The following MDGA2 variants were observed in gnomAD, a reference collection of about 807,000 sequenced individuals.
The protein encoded by MDGA2 is MAM domain containing glycosylphosphatidylinositol anchor 2.
MDGA2 carries 40 observed loss-of-function variants against 117.8 expected under a neutral mutation model. That is an observed-to-expected ratio of 0.34 (90% CI 0.26 to 0.44). The LOEUF (loss-of-function observed/expected upper bound fraction) is 0.44, where lower values mean the gene tolerates loss of function less well. Among genes scored for constraint, MDGA2 ranks in the 20% least tolerant of loss-of-function variants. MDGA2 has a pLI of 1.00. For synonymous variants in MDGA2, 452 were observed against 439.0 expected (o/e 1.03, Z -0.37); for missense variants, 1,123 against 1,250.6 (o/e 0.90, Z 1.54).
chr14:47,665,290 C>A (rs1897923187), intron 1 of MDGA2, among the ~76,000 whole-genome samples: 1 of 152,148 alleles, frequency 6.6e-6, no homozygotes, highest in Non-Finnish European at 1.5e-5. Flanking sequence ...TTTCTCATAG[C>A]CTTATTTTAT....
chr14:47,021,257 G>A (rs1566578294), intron 8 of MDGA2, among the ~76,000 whole-genome samples: 1 of 152,114 alleles, frequency 6.6e-6, no homozygotes, highest in African/African-American at 2.4e-5. Context: ...TTAGATGCAT[G>A]ATATATGGAT....
intron 7 of MDGA2, among the ~76,000 whole-genome samples, chr14:47,053,416 C>T (rs1442364097): frequency 6.6e-6 from 1 of 151,564 alleles, no homozygotes; most frequent in Non-Finnish European, 1.5e-5. Context: ...TAATCTCAAA[C>T]CATTTTGTTC....
At chr14:47,402,508 A>G (rs1210193604) in intron 1 of MDGA2, among the ~76,000 whole-genome samples, 2 of 152,194 alleles carry the variant, frequency 1.3e-5, no homozygotes, top group Non-Finnish European at 2.9e-5. Flanking sequence ...ATGAAATGCT[A>G]TAAATGATAC....
intron 1 of MDGA2, among the ~76,000 whole-genome samples, chr14:47,447,171 T>G (rs10141117): frequency 0.39 from 58,674 of 151,930 alleles, 11,430 homozygotes; most frequent in South Asian, 0.56. Flanking sequence ...TAAAACTGTT[T>G]AGTCCAGGGA....
intron 1 of MDGA2, among the ~76,000 whole-genome samples, chr14:47,475,755 A>T (rs1893823149): frequency 6.6e-6 from 1 of 152,206 alleles, no homozygotes; most frequent in Admixed American, 6.5e-5. Flanking sequence ...GTTCTCACTT[A>T]TAAGGGGGAG....
Position 47,583,174 on chromosome 14 carries a change from C to A in MDGA2, c.280+91343G>T, listed in dbSNP as rs146233390. 5.3e-5 allele frequency among the ~76,000 whole-genome samples: 8 copies of A among 151,866 alleles called. No individual in the cohort carries two copies. The East Asian group carries it at 1.2e-3, about 22-fold the overall frequency. Reference sequence around the variant, plus strand: ...CTCACAGAGCTTGAGGTGAAACAGACAATGTGCAAGTAAATAAATGAGCAA... The same window carrying A: ...CTCACAGAGCTTGAGGTGAAACAGAAAATGTGCAAGTAAATAAATGAGCAA... On this transcript the variant is annotated intron_variant, in intron 1 of 16. Coordinates refer to ENST00000399232, the MANE Select transcript of MDGA2 (RefSeq NM_001113498.3).
At chr14:47,257,031 A>G (rs1453403959) in intron 2 of MDGA2, among the ~76,000 whole-genome samples, 1 of 152,150 alleles carries the variant, frequency 6.6e-6, no homozygotes, top group Non-Finnish European at 1.5e-5. Context: ...AAGGATATAT[A>G]CAGGAACAGT....
chr14:47,109,986 C>T (rs1283419706), intron 5 of MDGA2, among the ~76,000 whole-genome samples: 1 of 152,104 alleles, frequency 6.6e-6, no homozygotes, highest in Non-Finnish European at 1.5e-5. Flanking sequence ...AAAAAACCTA[C>T]AAACACTGTG....
chr14:47,172,899 GA>G (rs929089080), intron 3 of MDGA2, among the ~76,000 whole-genome samples: 2 of 152,000 alleles, frequency 1.3e-5, no homozygotes, highest in South Asian at 2.1e-4. Flanking sequence ...TAAAAACTTC[GA>G]AAAAAATTTA....
chr14:46,944,868 T>A (rs1218897375), intron 9 of MDGA2, among the ~76,000 whole-genome samples: 3 of 152,080 alleles, frequency 2.0e-5, no homozygotes, highest in Non-Finnish European at 4.4e-5. Context: ...TATTTGAACA[T>A]ATTTTCCCAT....
chr14:47,044,096 T>A (rs1889172462), intron 7 of MDGA2, among the ~76,000 whole-genome samples: 1 of 151,922 alleles, frequency 6.6e-6, no homozygotes, highest in South Asian at 2.1e-4. Flanking sequence ...AGGTGCTTAA[T>A]AAGTTCTTGA....
chr14:47,036,879 CTT>C (rs1888874409), intron 7 of MDGA2, among the ~76,000 whole-genome samples: 1 of 152,158 alleles, frequency 6.6e-6, no homozygotes, highest in Non-Finnish European at 1.5e-5. Flanking sequence ...AATTCCTTCA[CTT>C]ATTGTTTAAA....
At chr14:46,995,426 C>T (rs1887252517) in intron 8 of MDGA2, among the ~76,000 whole-genome samples, 1 of 152,076 alleles carries the variant, frequency 6.6e-6, no homozygotes. Context: ...TAGCACACTG[C>T]TTTGTGTTAA....
chr14:46,846,038 A>G (rs1292848757), intron 15 of MDGA2, among the ~76,000 whole-genome samples, 167 bp from the exon 16 acceptor site: 1 of 152,132 alleles, frequency 6.6e-6, no homozygotes, highest in Non-Finnish European at 1.5e-5. Context: ...TTCATCCCAA[A>G]ACCAGTAATT....
chr14:47,094,984 T>C lies in MDGA2; in HGVS notation c.1195+1870A>G, dbSNP rs537349267. ...TACTTCCATTGTGAATTCTTTGTTTTCTATATATTTCCATATACGATTACT... is the reference window on the plus strand; with the variant it reads ...TACTTCCATTGTGAATTCTTTGTTTCCTATATATTTCCATATACGATTACT... On this transcript the variant is annotated intron_variant, in intron 6 of 16. Transcript: ENST00000399232. Among the ~76,000 whole-genome samples the C allele has an allele frequency of 1.6e-4, 25 of 152,198 alleles. 1 individual carries two copies. Among genetic ancestry groups the C allele is most frequent in the African/African-American group, 5.3e-4 (22 of 41,562 alleles).
At chr14:47,664,160 C>T (rs1219371630) in intron 1 of MDGA2, among the ~76,000 whole-genome samples, 1 of 152,182 alleles carries the variant, frequency 6.6e-6, no homozygotes, top group African/African-American at 2.4e-5. Flanking sequence ...ATATAAACTA[C>T]ACGTGCATCG....
intron 10 of MDGA2, among the ~76,000 whole-genome samples, chr14:46,901,868 A>C (rs1243393539): frequency 6.6e-6 from 1 of 152,200 alleles, no homozygotes; most frequent in Non-Finnish European, 1.5e-5. Flanking sequence ...GTCTGAAAGT[A>C]AACTCAAAAA....
chr14:47,343,445 T>C (rs922962667), intron 1 of MDGA2, among the ~76,000 whole-genome samples: 7 of 152,312 alleles, frequency 4.6e-5, no homozygotes, highest in South Asian at 4.1e-4. Context: ...ATTTCACTTA[T>C]CAGTCTCATG....
chr14:46,883,835 T>G (rs567873838), intron 10 of MDGA2, among the ~76,000 whole-genome samples: 3 of 152,218 alleles, frequency 2.0e-5, no homozygotes, highest in Admixed American at 1.3e-4. Context: ...TGTGACAGAT[T>G]TTTTTATTCT....
Sources: allele counts gnomAD v4.1 joint callset (sites outside exome capture counted in the v4.1 genomes callset), GRCh38; gene constraint gnomAD v4.1.1; transcripts MANE v1.5; gene names NCBI Gene and HGNC (gene_info 2026-07-23, HGNC 2026-07-21).